Variants in UTP6 observed in about 807,000 individuals in gnomAD.
UTP6 encodes the protein U3 small nucleolar RNA-associated protein 6 homolog.
UTP6 carries 60 observed loss-of-function variants against 96.5 expected under a neutral mutation model. That is an observed-to-expected ratio of 0.62 (90% CI 0.51 to 0.77). The LOEUF (loss-of-function observed/expected upper bound fraction) is 0.77, where lower values mean the gene tolerates loss of function less well. UTP6 is among the 30% of genes least tolerant of loss of function. The pLI is 0.00. For synonymous variants in UTP6, 215 were observed against 240.1 expected, an observed-to-expected ratio of 0.90 and a Z score of 0.96; for missense variants, 637 against 706.5, an observed-to-expected ratio of 0.90 and a Z score of 1.12.
chr17:31,866,247 A>G (rs1909806836), intron 17 of UTP6, among the ~76,000 whole-genome samples: 1 of 146,684 alleles, frequency 6.8e-6, no homozygotes, highest in South Asian at 2.2e-4. Flanking sequence ...AGATCGCGCC[A>G]CTACACTCCA....
At chr17:31,884,534 T>A in intron 9 of UTP6, 29 bp from the exon 10 acceptor site, 41 of 1,501,918 alleles carry the variant, frequency 2.7e-5, no homozygotes, top group Non-Finnish European at 3.6e-5. Context: ...GGAGGGGAAG[T>A]TTATTGCCAA....
At chr17:31,882,452 C>CTGG (rs1048289665) in intron 10 of UTP6, among the ~76,000 whole-genome samples, 3 of 151,954 alleles carry the variant, frequency 2.0e-5, no homozygotes, top group Admixed American at 2.0e-4. Flanking sequence ...TCCTGAGTAG[C>CTGG]TGGGATTACA....
At position 31,891,774 on chromosome 17, in the gene UTP6, G is replaced by A. The variant is rs1046864213; in HGVS notation, c.424+486C>T. Among the ~76,000 whole-genome samples the A allele has an allele frequency of 2.6e-5, 4 of 152,192 alleles. No individual in the cohort carries two copies. In the South Asian group the frequency reaches 8.3e-4, roughly 31 times the overall value. ...GTGGTGGCTCACGCCTGTAATCCCA[G>A]CACTTTGGAAGGCCAAGGCGGGTGG... is the stretch of plus-strand genomic sequence containing the variant. On this transcript the variant is annotated intron_variant, in intron 6 of 18. Transcript: ENST00000261708.
intron 17 of UTP6, chr17:31,866,507 G>C (rs1207273692): frequency 2.0e-5 from 3 of 150,510 alleles, no homozygotes; most frequent in Non-Finnish European, 4.4e-5. Context: ...GGCAAGGCAG[G>C]TGGATCACAA....
Position 31,901,535 on chromosome 17 carries a change from C to G in UTP6, c.92+1G>C. On this transcript the variant is annotated splice_donor_variant, in intron 1 of 18. Coordinates refer to ENST00000261708, the MANE Select transcript of UTP6 (RefSeq NM_018428.3). LOFTEE classifies it high-confidence loss of function. ...CTTCCCTCTCCCCAACCCTCTCTCA[C>G]TTAATCTCCGCATGACTGAACAGTC... 1 of 1,613,984 alleles carries G rather than the reference C, an allele frequency of 6.2e-7. No individual in the cohort carries two copies. The highest frequency in any genetic ancestry group is 8.5e-7 in the Non-Finnish European group (1 of 1,179,990).
Position 31,898,924 on chromosome 17 carries a change from G to A in UTP6, c.177+722C>T, listed in dbSNP as rs375630658. ...CCATACGCCTGTAATCCCAGTTACT[G>A]AGGAGGATGAGACTTGAGAATCACT... On this transcript the variant is annotated intron_variant, in intron 2 of 18. Transcript: ENST00000261708. 4.6e-5 allele frequency among the ~76,000 whole-genome samples: 7 copies of A among 151,968 alleles called. No individual in the cohort carries two copies. In the South Asian group the frequency reaches 1.5e-3, roughly 32 times the overall value.
At chr17:31,884,764 C>A in intron 9 of UTP6, 1 of 351,416 alleles carries the variant, frequency 2.8e-6, no homozygotes, top group Non-Finnish European at 5.2e-6. Context: ...TCCATGAGAA[C>A]TTACTGAGGA....
intron 17 of UTP6, among the ~76,000 whole-genome samples, chr17:31,866,984 A>G (rs925270936): frequency 1.3e-5 from 2 of 149,876 alleles, no homozygotes; most frequent in African/African-American, 2.5e-5. Context: ...TCATATGTGC[A>G]CGGCATTATG....
intron 7 of UTP6, chr17:31,887,548 C>T: frequency 2.4e-6 from 1 of 409,542 alleles, no homozygotes; most frequent in East Asian, 4.2e-5. Context: ...GAGACAGGAT[C>T]TTGCTACGTT....
At chr17:31,880,425 T>TAAAAAAAA in intron 11 of UTP6, 148 bp downstream of exon 11, 1 of 662,952 alleles carries the variant, frequency 1.5e-6, no homozygotes. Flanking sequence ...TGCCTCCCAA[T>TAAAAAAAA]AAAAAAAAAA....
At chr17:31,888,506 T>C (rs7211634) in intron 7 of UTP6, among the ~76,000 whole-genome samples, 117,310 of 152,004 alleles carry the variant, frequency 0.77, 45,565 homozygotes, top group East Asian at 0.84. Context: ...TTCGGGAGTT[T>C]GAGACCAGCC....
chr17:31,890,768 T>G (rs1222854040), intron 6 of UTP6, among the ~76,000 whole-genome samples: 1 of 151,880 alleles, frequency 6.6e-6, no homozygotes. Context: ...CACAGATCGT[T>G]TGAGGCTGGG....
chr17:31,874,931 TA>T (rs11341659), intron 14 of UTP6, among the ~76,000 whole-genome samples: 112,701 of 133,974 alleles, frequency 0.84, 47,147 homozygotes, highest in African/African-American at 0.88. Flanking sequence ...GACTCCATCT[TA>T]AAAAAAAAAA....
intron 1 of UTP6, among the ~76,000 whole-genome samples, chr17:31,900,670 T>C (rs1310739905): frequency 2.6e-5 from 4 of 152,236 alleles, no homozygotes; most frequent in African/African-American, 4.8e-5. Context: ...ATTCCTCTTA[T>C]TTCTGAGTTC....
At chr17:31,864,603 T>C (rs1909712240) in intron 18 of UTP6, among the ~76,000 whole-genome samples, 1 of 152,106 alleles carries the variant, frequency 6.6e-6, no homozygotes, top group Admixed American at 6.6e-5. Flanking sequence ...TGCAAATCTT[T>C]CTCTAATCCA....
At chr17:31,888,963 T>C (rs1223493015) in intron 7 of UTP6, among the ~76,000 whole-genome samples, 1 of 151,660 alleles carries the variant, frequency 6.6e-6, no homozygotes, top group Admixed American at 6.6e-5. Context: ...TCCCAGCTAC[T>C]CGGAAGGCTG....
intron 4 of UTP6, among the ~76,000 whole-genome samples, chr17:31,893,953 G>C (rs184380288): frequency 8.6e-5 from 13 of 151,932 alleles, no homozygotes; most frequent in African/African-American, 2.7e-4. Flanking sequence ...TATAAAATTT[G>C]TCATTACCAA....
chr17:31,889,441 T>TG, intron 6 of UTP6, 38 bp from the exon 7 acceptor site: 3 of 1,512,658 alleles, frequency 2.0e-6, no homozygotes. Context: ...TTTCAATAAA[T>TG]TAATCAAGTC....
At chr17:31,870,348 A>G (rs900410200) in intron 16 of UTP6, among the ~76,000 whole-genome samples, 1 of 152,046 alleles carries the variant, frequency 6.6e-6, no homozygotes, top group Non-Finnish European at 1.5e-5. Context: ...TGACTTTTTA[A>G]TAGCCATTCT....
Sources: gnomAD v4.1 joint callset for allele counts (sites outside exome capture counted in the v4.1 genomes callset) on GRCh38, gnomAD v4.1.1 for gene constraint, MANE v1.5 for transcripts, NCBI Gene and HGNC (gene_info 2026-07-23, HGNC 2026-07-21) for gene names.